The following SLIT2 variants were observed in gnomAD, a reference collection of about 807,000 sequenced individuals.
The protein encoded by SLIT2 is slit guidance ligand 2.
In SLIT2, 41 loss-of-function variants were observed where a neutral mutation model predicts 185.7. That is an observed-to-expected ratio of 0.22 (90% CI 0.17 to 0.29). SLIT2 has a LOEUF of 0.29. Ranked by LOEUF, SLIT2 falls within the 10% of genes least tolerant of loss-of-function variation. The pLI is 1.00. For missense variants in SLIT2, 1,571 were observed against 1,909.0 expected (o/e 0.82, Z 3.30); for synonymous variants, 693 against 680.2 (o/e 1.02, Z -0.29).
intron 4 of SLIT2, among the ~76,000 whole-genome samples, chr4:20,423,725 G>A (rs1290074705): frequency 6.6e-6 from 1 of 151,964 alleles, no homozygotes; most frequent in African/African-American, 2.4e-5. Flanking sequence ...AATATTGAAG[G>A]TAGAACTCAT....
intron 11 of SLIT2, among the ~76,000 whole-genome samples, chr4:20,517,858 T>C (rs1720351317): frequency 6.6e-6 from 1 of 151,998 alleles, no homozygotes; most frequent in Middle Eastern, 3.2e-3. Context: ...GCCAAACGTA[T>C]CAATTATTTA....
intron 4 of SLIT2, among the ~76,000 whole-genome samples, chr4:20,288,133 C>T (rs1715448865): frequency 6.6e-6 from 1 of 152,068 alleles, no homozygotes; most frequent in Non-Finnish European, 1.5e-5. Flanking sequence ...TATGCCATCA[C>T]GTTTATTATG....
Position 20,519,573 on chromosome 4 carries a change from A to G in SLIT2, c.1130+120A>G, listed in dbSNP as rs975840473. The G allele has an allele frequency of 6.3e-6, 4 of 638,244 alleles. No individual in the cohort carries two copies. The Admixed American group carries it at 1.2e-4, about 19-fold the overall frequency. 39.5% of individuals were successfully genotyped at this position (638,244 alleles called of 1,614,324 possible). A position where few individuals can be genotyped will look rare whatever the true frequency, so the allele number is the denominator to read the frequency against. On this transcript the variant is annotated intron_variant, in intron 12 of 36. Transcript: ENST00000504154. ...ACTCAAAATGATACAGTTTAACAAA[A>G]TAGAAAAGAGTAGTCCAGTCAAGCT...
At chr4:20,593,472 G>T (rs1021709290) in intron 30 of SLIT2, among the ~76,000 whole-genome samples, 2 of 152,056 alleles carry the variant, frequency 1.3e-5, no homozygotes, top group African/African-American at 2.4e-5. Flanking sequence ...ACCAGGAATT[G>T]GGGTGGGGAA....
intron 4 of SLIT2, among the ~76,000 whole-genome samples, chr4:20,456,151 C>A (rs963335150): frequency 6.6e-6 from 1 of 151,608 alleles, no homozygotes; most frequent in Non-Finnish European, 1.5e-5. Flanking sequence ...CACAAAGATT[C>A]CTAAATCCTT....
chr4:20,495,435 T>C (rs188465499), intron 9 of SLIT2, among the ~76,000 whole-genome samples: 22 of 152,290 alleles, frequency 1.4e-4, no homozygotes, highest in Admixed American at 1.4e-3. Flanking sequence ...CTGTTACAGG[T>C]TGATAAAAGG....
At chr4:20,367,338 T>C (rs1723197498) in intron 4 of SLIT2, among the ~76,000 whole-genome samples, 2 of 152,142 alleles carry the variant, frequency 1.3e-5, no homozygotes, top group Non-Finnish European at 2.9e-5. Context: ...ATAGAAAAAC[T>C]AACAAATGGG....
chr4:20,396,335 T>C (rs1725886773), intron 4 of SLIT2, among the ~76,000 whole-genome samples: 1 of 151,886 alleles, frequency 6.6e-6, no homozygotes, highest in South Asian at 2.1e-4. Flanking sequence ...ATAAAGAAGA[T>C]ATGGTAATCA....
rs1345096321 is a variant in SLIT2 at position 20,568,982 on chromosome 4, C to T, written c.3066C>T (p.Cys1022=). ...TCGATGGCATTAATAACTACACATG[C>T]CTTTGCCCACCTGAGTATACAGGTA... The part of the protein sequence containing the change: ...TCVDGINNYT[C]LCPPEYTGEL... Residue 1022 remains cysteine (C), a synonymous_variant, in exon 29 of 37, where the codon TGC becomes TGT. Transcript: ENST00000504154. The T allele has an allele frequency of 1.2e-6, 2 of 1,612,262 alleles. No homozygotes were observed. The highest frequency in any genetic ancestry group is 3.3e-5 in the Admixed American group (2 of 59,948).
chr4:20,519,642 G>A (rs1159792115), intron 12 of SLIT2, among the ~76,000 whole-genome samples, 189 bp downstream of exon 12: 1 of 151,784 alleles, frequency 6.6e-6, no homozygotes, highest in Admixed American at 6.6e-5. Flanking sequence ...TTTTGGAATA[G>A]TCCCCAAACC....
intron 4 of SLIT2, among the ~76,000 whole-genome samples, chr4:20,434,129 C>G (rs528941755): frequency 1.3e-5 from 2 of 152,046 alleles, no homozygotes; most frequent in Admixed American, 1.3e-4. Flanking sequence ...AGGTACCGAC[C>G]CTAAAGGGTA....
chr4:20,274,747 T>A (rs1437434028), intron 4 of SLIT2, among the ~76,000 whole-genome samples: 1 of 151,896 alleles, frequency 6.6e-6, no homozygotes, highest in Non-Finnish European at 1.5e-5. Context: ...TCTGTGTTTT[T>A]TTTTTTTTCA....
At chr4:20,524,291 T>C (rs1371043830) in intron 14 of SLIT2, 114 bp downstream of exon 14, 2 of 888,138 alleles carry the variant, frequency 2.3e-6, no homozygotes, top group Non-Finnish European at 1.7e-6. Flanking sequence ...ATATTTCTTT[T>C]TCTTCTGCCC....
chr4:20,273,185 AAGG>A (rs1713807629), intron 4 of SLIT2, among the ~76,000 whole-genome samples: 1 of 151,644 alleles, frequency 6.6e-6, no homozygotes, highest in Admixed American at 6.6e-5. Flanking sequence ...ACTGCCATAG[AAGG>A]AGACTTATTT....
chr4:20,613,088 A>C (rs1230562272), intron 34 of SLIT2, among the ~76,000 whole-genome samples: 1 of 152,184 alleles, frequency 6.6e-6, no homozygotes, highest in East Asian at 1.9e-4. Context: ...TGTGGAAAAC[A>C]GTGTGGCGAT....
At chr4:20,474,599 C>G (rs1262515264) in intron 5 of SLIT2, among the ~76,000 whole-genome samples, 6 of 152,038 alleles carry the variant, frequency 3.9e-5, no homozygotes, top group Non-Finnish European at 8.8e-5. Flanking sequence ...CACATACTTA[C>G]AAAATATGAA....
At chr4:20,472,503 T>TAG (rs1560454574) in intron 5 of SLIT2, among the ~76,000 whole-genome samples, 191 of 13,336 alleles carry the variant, frequency 0.014, 64 homozygotes, top group East Asian at 0.073. Context: ...GATATATATC[T>TAG]ATATATAGAT....
intron 4 of SLIT2, among the ~76,000 whole-genome samples, chr4:20,365,505 G>A (rs750548060): frequency 3.3e-5 from 5 of 152,088 alleles, no homozygotes; most frequent in Non-Finnish European, 5.9e-5. Flanking sequence ...CGTGAGTAAC[G>A]GGCTGTACCC....
intron 26 of SLIT2, among the ~76,000 whole-genome samples, chr4:20,562,422 A>G (rs1009463231): frequency 2.6e-5 from 4 of 151,732 alleles, no homozygotes; most frequent in African/African-American, 9.7e-5. Flanking sequence ...AGAACTTCAC[A>G]TTCATATTTC....
Sources: allele counts gnomAD v4.1 joint callset (sites outside exome capture counted in the v4.1 genomes callset), GRCh38; gene constraint gnomAD v4.1.1; transcripts MANE v1.5; gene names NCBI Gene and HGNC (gene_info 2026-07-23, HGNC 2026-07-21).